ZFYVE1: variants seen among roughly 807,000 people sequenced by gnomAD.
The protein encoded by ZFYVE1 is zinc finger FYVE-type containing 1.
A neutral mutation model predicts 74.4 loss-of-function variants in ZFYVE1; 30 were observed. The ratio of observed to expected loss-of-function variants is 0.40; its 90% confidence interval spans 0.30 to 0.55. The LOEUF is 0.55. Among genes scored for constraint, ZFYVE1 ranks in the 20% least tolerant of loss-of-function variants. The probability of loss-of-function intolerance (pLI) is 0.42; values close to 1 mark genes in which losing one functional copy is unlikely to be tolerated. For synonymous variants in ZFYVE1, 335 were observed against 385.1 expected, an observed-to-expected ratio of 0.87 and a Z score of 1.52; for missense variants, 703 against 1,011.6, an observed-to-expected ratio of 0.69 and a Z score of 4.14.
chr14:72,972,251 C>T (rs1433017252), intron 11 of ZFYVE1, among the ~76,000 whole-genome samples: 2 of 152,076 alleles, frequency 1.3e-5, no homozygotes, highest in African/African-American at 4.8e-5. Context: ...CAGGGGCTTA[C>T]TCATCTTTAA....
intron 2 of ZFYVE1, among the ~76,000 whole-genome samples, chr14:73,020,564 G>A (rs1894297178): frequency 1.3e-5 from 2 of 152,186 alleles, no homozygotes; most frequent in Admixed American, 1.3e-4. Flanking sequence ...ATGTTGGCCA[G>A]ACTGGTCTCG....
At chr14:73,013,889 C>G (rs1315364086) in intron 2 of ZFYVE1, among the ~76,000 whole-genome samples, 1 of 152,116 alleles carries the variant, frequency 6.6e-6, no homozygotes, top group Admixed American at 6.6e-5. Context: ...GGAAGACTCC[C>G]CAGAAAAGTC....
At chr14:72,998,735 T>C (rs898600307) in intron 2 of ZFYVE1, among the ~76,000 whole-genome samples, 11 of 151,482 alleles carry the variant, frequency 7.3e-5, no homozygotes, top group Non-Finnish European at 1.0e-4. Flanking sequence ...CATGTAACAG[T>C]GGCACTTCAG....
intron 4 of ZFYVE1, among the ~76,000 whole-genome samples, chr14:72,988,929 C>CTTTTTT (rs34464072): frequency 8.5e-6 from 1 of 118,136 alleles, no homozygotes; most frequent in Non-Finnish European, 1.7e-5. Context: ...GCAATTTCTT[C>CTTTTTT]TTTTTTTTTT....
At chr14:73,001,102 C>T (rs533651710) in intron 2 of ZFYVE1, among the ~76,000 whole-genome samples, 16 of 152,324 alleles carry the variant, frequency 1.1e-4, no homozygotes, top group Non-Finnish European at 2.1e-4. Context: ...TTGAATGCTA[C>T]GCAAGACTGC....
chr14:72,971,719 T>C (rs1039416861), intron 11 of ZFYVE1, among the ~76,000 whole-genome samples: 3 of 152,132 alleles, frequency 2.0e-5, no homozygotes, highest in Non-Finnish European at 4.4e-5. Flanking sequence ...GCCTCCTGCC[T>C]GAGTCTCCCA....
At chr14:72,980,858 G>C (rs1022542278) in intron 5 of ZFYVE1, among the ~76,000 whole-genome samples, 13 of 152,272 alleles carry the variant, frequency 8.5e-5, no homozygotes, top group African/African-American at 2.9e-4. Flanking sequence ...GCCCGGCCGA[G>C]AATTTATTAA....
chr14:73,003,054 C>CTTTTTTTTTTTTTTTT (rs201185010), intron 2 of ZFYVE1, among the ~76,000 whole-genome samples: 1 of 102,970 alleles, frequency 9.7e-6, no homozygotes, highest in Non-Finnish European at 1.8e-5. Context: ...TTTTTCTTTT[C>CTTTTTTTTTTTTTTTT]TTTTTTTTTT....
In ZFYVE1 at chr14:73,026,272, A is replaced by T. The variant is rs139617204; in HGVS notation, c.-435+654T>A. On this transcript the variant is annotated intron_variant, in intron 1 of 11. Transcript: ENST00000556143. ...AACTTAAAAATAACTTCAAAATACG[A>T]AAAAAGATAACTGGGGCAAGAAAGG... Among the ~76,000 whole-genome samples the T allele has an allele frequency of 9.3e-4, 142 of 152,282 alleles. 1 individual carries two copies. The highest frequency in any genetic ancestry group is 1.1e-3 in the African/African-American group (46 of 41,556).
rs1359750343 is a variant in ZFYVE1, at chr14:72,978,845, A to G, written c.1419+16T>C. 6.2e-7 allele frequency: 1 copy of G among 1,610,598 alleles called. No individual in the cohort carries two copies. Among genetic ancestry groups the G allele is most frequent in the Non-Finnish European group, 8.5e-7 (1 of 1,177,002 alleles). On this transcript the variant is annotated intron_variant, in intron 6 of 11. Coordinates refer to ENST00000556143, the MANE Select transcript of ZFYVE1 (RefSeq NM_021260.4). ...CAAGCCCGCTGCTGACACAGGGAGG[A>G]GCTCGGAGGACTCACCTTGCAGGTA... is the stretch of plus-strand genomic sequence containing the variant.
At chr14:72,971,223 G>C (rs1295117980) in intron 11 of ZFYVE1, 109 bp from the exon 12 acceptor site, 2 of 1,111,238 alleles carry the variant, frequency 1.8e-6, no homozygotes, top group African/African-American at 1.6e-5. Context: ...ACTGCACACA[G>C]AATTGCTGAC....
At chr14:72,979,357 G>A (rs572552412) in intron 5 of ZFYVE1, 31 of 196,510 alleles carry the variant, frequency 1.6e-4, no homozygotes, top group African/African-American at 1.6e-4. Flanking sequence ...AAACTTAGCC[G>A]GGCATGGTGG....
chr14:73,019,966 G>T (rs1894282740), intron 2 of ZFYVE1, among the ~76,000 whole-genome samples: 1 of 146,664 alleles, frequency 6.8e-6, no homozygotes, highest in African/African-American at 2.5e-5. Context: ...AAAAGAAAAA[G>T]AAAATTTATG....
intron 2 of ZFYVE1, among the ~76,000 whole-genome samples, chr14:73,006,997 G>T (rs1893994803): frequency 6.6e-6 from 1 of 152,074 alleles, no homozygotes; most frequent in African/African-American, 2.4e-5. Context: ...ACAGGGATAA[G>T]CCACTGCGCC....
intron 2 of ZFYVE1, among the ~76,000 whole-genome samples, chr14:73,019,908 A>G (rs944441090): frequency 5.3e-5 from 8 of 151,840 alleles, no homozygotes; most frequent in Non-Finnish European, 8.8e-5. Flanking sequence ...CCGAGATCAC[A>G]CCACGGCACT....
chr14:72,988,161 A>G (rs1893525623), intron 4 of ZFYVE1, among the ~76,000 whole-genome samples: 1 of 149,880 alleles, frequency 6.7e-6, no homozygotes, highest in African/African-American at 2.5e-5. Context: ...CAAAAATAAG[A>G]TAGGGCTAAC....
intron 4 of ZFYVE1, among the ~76,000 whole-genome samples, chr14:72,990,400 C>CTT (rs11298113): frequency 2.8e-5 from 4 of 145,396 alleles, no homozygotes; most frequent in African/African-American, 7.6e-5. Flanking sequence ...TGAACAGGTT[C>CTT]TTTTTTTTTT....
intron 4 of ZFYVE1, among the ~76,000 whole-genome samples, chr14:72,985,934 CAG>C (rs1426214927): frequency 1.3e-5 from 2 of 152,132 alleles, no homozygotes; most frequent in African/African-American, 4.8e-5. Flanking sequence ...TTTTTAGCCG[CAG>C]AGTTTTTCTT....
chr14:72,987,436 G>A (rs571556185), intron 4 of ZFYVE1, among the ~76,000 whole-genome samples: 11 of 152,240 alleles, frequency 7.2e-5, no homozygotes, highest in South Asian at 2.1e-4. Context: ...GTGTGGTGGC[G>A]TGTGCCTGTT....
Sources: allele counts gnomAD v4.1 joint callset (sites outside exome capture counted in the v4.1 genomes callset), GRCh38; gene constraint gnomAD v4.1.1; transcripts MANE v1.5; gene names NCBI Gene and HGNC (gene_info 2026-07-23, HGNC 2026-07-21).